Variants in SLC44A5 observed in about 807,000 individuals in gnomAD.
SLC44A5 encodes the protein solute carrier family 44 member 5, also known as choline transporter-like protein 5.
SLC44A5 carries 57 observed loss-of-function variants against 101.8 expected under a neutral mutation model. The ratio of observed to expected loss-of-function variants is 0.56; its 90% CI spans 0.45 to 0.70. The LOEUF (loss-of-function observed/expected upper bound fraction) is 0.70. Ranked by LOEUF, SLC44A5 falls within the 30% of genes least tolerant of loss-of-function variation. SLC44A5 has a pLI of 0.00. For synonymous variants in SLC44A5, 281 were observed against 290.9 expected, an observed-to-expected ratio of 0.97 and a Z score of 0.35; for missense variants, 737 against 853.1, an observed-to-expected ratio of 0.86 and a Z score of 1.70.
At chr1:75,571,196 A>C (rs760242021) in intron 1 of SLC44A5, among the ~76,000 whole-genome samples, 10 of 152,350 alleles carry the variant, frequency 6.6e-5, no homozygotes, top group Non-Finnish European at 1.3e-4. Context: ...TATATTATGA[A>C]AAAACATAGG....
intron 6 of SLC44A5, among the ~76,000 whole-genome samples, chr1:75,255,067 A>T (rs1324064532): frequency 6.6e-6 from 1 of 152,100 alleles, no homozygotes; most frequent in Non-Finnish European, 1.5e-5. Context: ...CTTTCCACCA[A>T]TTCATGCTGT....
At chr1:75,241,261 G>A (rs1250067922) in intron 9 of SLC44A5, among the ~76,000 whole-genome samples, 4 of 151,816 alleles carry the variant, frequency 2.6e-5, no homozygotes, top group African/African-American at 9.7e-5. Context: ...GTTTCACTCT[G>A]TTGCCAAGGT....
chr1:75,653,053 G>A, the SLC44A5 span, among the ~76,000 whole-genome samples: 3 of 152,114 alleles, frequency 2.0e-5, no homozygotes, highest in African/African-American at 4.8e-5. Flanking sequence ...TTATATCATA[G>A]CTCATTCTAC....
chr1:75,280,879 C>A (rs1010463409), intron 5 of SLC44A5, among the ~76,000 whole-genome samples: 29 of 151,676 alleles, frequency 1.9e-4, no homozygotes, highest in Non-Finnish European at 7.4e-5. Flanking sequence ...TCAATTAAAC[C>A]TCTTTCCTTT....
chr1:75,523,344 G>A (rs1430595333), intron 2 of SLC44A5, among the ~76,000 whole-genome samples: 1 of 152,086 alleles, frequency 6.6e-6, no homozygotes, highest in African/African-American at 2.4e-5. Context: ...TTTCTGTTAT[G>A]TTAGATCCCC....
intron 16 of SLC44A5, 38 bp downstream of exon 16, chr1:75,219,219 T>C (rs745641739): frequency 3.4e-5 from 46 of 1,342,558 alleles, no homozygotes; most frequent in Middle Eastern, 1.8e-4. Flanking sequence ...CAGAAGTCTA[T>C]ATTGAAGTAA....
chr1:75,292,135 A>C (rs926602607), intron 5 of SLC44A5, among the ~76,000 whole-genome samples: 7 of 151,966 alleles, frequency 4.6e-5, no homozygotes, highest in Non-Finnish European at 8.8e-5. Flanking sequence ...TGTTAGTGTC[A>C]GCTGTGAATT....
intron 6 of SLC44A5, among the ~76,000 whole-genome samples, chr1:75,257,545 T>C (rs533105471): frequency 6.6e-6 from 1 of 152,246 alleles, no homozygotes; most frequent in Admixed American, 6.5e-5. Context: ...GGCTTTCCGA[T>C]GCAGGAAAAG....
intron 1 of SLC44A5, among the ~76,000 whole-genome samples, chr1:75,592,415 CTATGCAAAGCAATCTACAGA>C (rs939336564): frequency 6.6e-6 from 1 of 152,062 alleles, no homozygotes; most frequent in Non-Finnish European, 1.5e-5. Context: ...AATGTCCATA[CTATGCAAAGCAATCTACAGA>C]TTCAATGCAA....
chr1:75,320,714 C>T (rs1256364838), intron 4 of SLC44A5, among the ~76,000 whole-genome samples: 3 of 152,098 alleles, frequency 2.0e-5, no homozygotes, highest in African/African-American at 7.2e-5. Flanking sequence ...TATGTATGTC[C>T]TCCTAACTGC....
intron 11 of SLC44A5, among the ~76,000 whole-genome samples, chr1:75,235,879 G>C (rs551597588): frequency 2.0e-5 from 3 of 152,126 alleles, no homozygotes; most frequent in Non-Finnish European, 2.9e-5. Context: ...CAGAGGGAAA[G>C]GGCCAGGTAA....
chr1:75,334,815 T>C (rs183455217), intron 4 of SLC44A5, among the ~76,000 whole-genome samples: 2 of 152,288 alleles, frequency 1.3e-5, no homozygotes, highest in Non-Finnish European at 2.9e-5. Context: ...GAAAGAACAT[T>C]AAAGTCTAGT....
the SLC44A5 span, chr1:75,641,482 A>T: frequency 1.4e-6 from 2 of 1,434,298 alleles, no homozygotes; most frequent in South Asian, 1.1e-5. Context: ...TGCCAGCAGA[A>T]GTTGGGTAAT....
At chr1:75,251,354 G>T in intron 6 of SLC44A5, 60 bp from the exon 7 acceptor site, 2 of 1,347,924 alleles carry the variant, frequency 1.5e-6, no homozygotes, top group Non-Finnish European at 2.1e-6. Context: ...TATCATTTCA[G>T]ACCCTGAACA....
chr1:75,476,376 C>T (rs1667401085), intron 2 of SLC44A5, among the ~76,000 whole-genome samples: 1 of 152,146 alleles, frequency 6.6e-6, no homozygotes, highest in South Asian at 2.1e-4. Context: ...GTTCATCTCA[C>T]TAGGGAGTGC....
chr1:75,282,527 A>G (rs377515941), intron 5 of SLC44A5, among the ~76,000 whole-genome samples: 25 of 152,258 alleles, frequency 1.6e-4, no homozygotes, highest in African/African-American at 5.5e-4. Context: ...GGAAGGGGCC[A>G]GGGGTGGAAT....
intron 7 of SLC44A5, among the ~76,000 whole-genome samples, chr1:75,247,891 T>C (rs981761192): frequency 6.6e-6 from 1 of 151,750 alleles, no homozygotes; most frequent in African/African-American, 2.4e-5. Flanking sequence ...GATAGATAAA[T>C]GTGGACTATT....
intron 9 of SLC44A5, among the ~76,000 whole-genome samples, chr1:75,240,933 G>C (rs981911126): frequency 6.6e-6 from 1 of 151,788 alleles, no homozygotes; most frequent in Non-Finnish European, 1.5e-5. Flanking sequence ...TTATTTGTTT[G>C]TTTTAATTTA....
At chr1:75,560,730 A>G (rs1281913621) in intron 1 of SLC44A5, among the ~76,000 whole-genome samples, 1 of 152,144 alleles carries the variant, frequency 6.6e-6, no homozygotes, top group Non-Finnish European at 1.5e-5. Context: ...CCAGAGATGG[A>G]AGAAGCTCAG....
Sources: allele counts gnomAD v4.1 joint callset (sites outside exome capture counted in the v4.1 genomes callset), GRCh38; gene constraint gnomAD v4.1.1; transcripts MANE v1.5; gene names NCBI Gene and HGNC (gene_info 2026-07-23, HGNC 2026-07-21).